Variants in PDS5B observed in about 807,000 individuals in gnomAD.
PDS5B encodes the protein PDS5 cohesin associated factor B, also known as sister chromatid cohesion protein PDS5 homolog B.
Under a neutral mutation model 184.1 loss-of-function variants are expected in PDS5B, and 51 were observed. The ratio of observed to expected loss-of-function variants is 0.28; its 90% CI spans 0.22 to 0.35. PDS5B has a LOEUF of 0.35. Among genes scored for constraint, PDS5B ranks in the 10% least tolerant of loss-of-function variants. The probability of loss-of-function intolerance (pLI) is 1.00; values close to 1 mark genes in which losing one functional copy is unlikely to be tolerated. For synonymous variants in PDS5B, 566 were observed against 569.2 expected (o/e 0.99, Z 0.08); for missense variants, 1,180 against 1,723.3 (o/e 0.68, Z 5.58).
At chr13:32,725,573 T>A (rs1468670244) in intron 19 of PDS5B, among the ~76,000 whole-genome samples, 1 of 152,234 alleles carries the variant, frequency 6.6e-6, no homozygotes, top group African/African-American at 2.4e-5. Flanking sequence ...TAATTGCTAA[T>A]GTATAAGTCA....
At chr13:32,653,884 C>T (rs974884259) in intron 3 of PDS5B, among the ~76,000 whole-genome samples, 5 of 152,138 alleles carry the variant, frequency 3.3e-5, no homozygotes, top group African/African-American at 1.2e-4. Context: ...TGCTACTGTA[C>T]AATTTATTTA....
At chr13:32,740,618 C>A (rs1261877357) in intron 21 of PDS5B, among the ~76,000 whole-genome samples, 1 of 152,092 alleles carries the variant, frequency 6.6e-6, no homozygotes, top group Admixed American at 6.5e-5. Context: ...CTAGTACTTG[C>A]ACATGATCAC....
In PDS5B at chr13:32,775,173, C is replaced by A; in HGVS notation, c.*121C>A. On this transcript the variant is annotated 3_prime_UTR_variant, in exon 35 of 35. Coordinates refer to ENST00000315596, the MANE Select transcript of PDS5B (RefSeq NM_015032.4). ...CAAAATGGGACTGCTGAAGAGTGGA[C>A]AGTTGGACCTTACTTTGGTGACCCC... 1.3e-6 allele frequency: 1 copy of A among 792,860 alleles called. No individual in the cohort carries two copies. The highest frequency in any genetic ancestry group is 2.0e-6 in the Non-Finnish European group (1 of 497,726). The allele number at this position is 792,860 out of a possible 1,614,324, so 49.1% of individuals were successfully genotyped here.
At chr13:32,593,963 A>C (rs1455613135) in intron 1 of PDS5B, among the ~76,000 whole-genome samples, 1 of 152,220 alleles carries the variant, frequency 6.6e-6, no homozygotes, top group Non-Finnish European at 1.5e-5. Flanking sequence ...ACATATTTTC[A>C]ACTAGCTAGA....
intron 6 of PDS5B, among the ~76,000 whole-genome samples, chr13:32,664,698 T>C (rs1022407809): frequency 6.6e-6 from 1 of 152,004 alleles, no homozygotes; most frequent in Non-Finnish European, 1.5e-5. Context: ...ACCCTGTCTC[T>C]AGAAAAATTA....
chr13:32,750,401 C>G (rs1283736043), intron 24 of PDS5B, among the ~76,000 whole-genome samples: 1 of 152,132 alleles, frequency 6.6e-6, no homozygotes, highest in Non-Finnish European at 1.5e-5. Context: ...CATAGTAAAT[C>G]TATAACGGAG....
chr13:32,775,022 G>A lies in PDS5B; in HGVS notation c.4314G>A (p.Arg1438=), dbSNP rs369936443. The A allele has an allele frequency of 4.7e-4, 755 of 1,612,816 alleles. 1 individual carries two copies. The highest frequency in any genetic ancestry group is 8.2e-4 in the Middle Eastern group (5 of 6,078). The change falls in exon 35 of 35, where the codon CGG becomes CGA. Residue 1438 remains arginine, a synonymous_variant. Coordinates refer to ENST00000315596, the MANE Select transcript of PDS5B (RefSeq NM_015032.4). ...EEEEVSTVNV[R]RRSAKRERR ...CTGGTGACTTTCCTTTTAAGGTACGGCGGCGAAGTGCTAAAAGGGAACGGC... is the reference window on the plus strand; with the variant it reads ...CTGGTGACTTTCCTTTTAAGGTACGACGGCGAAGTGCTAAAAGGGAACGGC...
intron 5 of PDS5B, among the ~76,000 whole-genome samples, chr13:32,658,737 C>T (rs887177486): frequency 6.6e-6 from 1 of 152,044 alleles, no homozygotes; most frequent in Non-Finnish European, 1.5e-5. Flanking sequence ...TGGCATAAGG[C>T]CAGTGTAAAA....
chr13:32,588,137 C>T (rs1041358705), intron 1 of PDS5B, among the ~76,000 whole-genome samples: 1 of 152,150 alleles, frequency 6.6e-6, no homozygotes, highest in African/African-American at 2.4e-5. Flanking sequence ...GTACACATGT[C>T]TGAGATGTTC....
intron 3 of PDS5B, among the ~76,000 whole-genome samples, chr13:32,652,964 T>C (rs141428749): frequency 0.014 from 2,198 of 152,220 alleles, 59 homozygotes; most frequent in African/African-American, 0.05. Context: ...ACTGAATGTT[T>C]ATAAGGCAGA....
chr13:32,615,083 C>G (rs1038273226), intron 1 of PDS5B, among the ~76,000 whole-genome samples: 1 of 152,174 alleles, frequency 6.6e-6, no homozygotes, highest in East Asian at 1.9e-4. Context: ...GAACCACCTC[C>G]GTTGTGCCCC....
chr13:32,659,128 G>A, intron 5 of PDS5B, 26 bp from the exon 6 acceptor site: 1 of 1,501,016 alleles, frequency 6.7e-7, no homozygotes, highest in South Asian at 1.4e-5. Context: ...AGTTGTAATT[G>A]AAACAAAATC....
rs772663609 is a variant in PDS5B at position 32,776,336 on chromosome 13, T to C, written c.*1284T>C. 1 of 152,502 alleles carries C rather than the reference T, an allele frequency of 6.6e-6. No individual in the cohort carries two copies. The highest frequency in any genetic ancestry group is 1.5e-5 in the Non-Finnish European group (1 of 67,952). 9.4% of individuals were successfully genotyped at this position (152,502 alleles called of 1,614,324 possible). A position where few individuals can be genotyped will look rare whatever the true frequency, so the allele number is the denominator to read the frequency against. ...TATCCAAGTATATCAGCTACTGTAG[T>C]TGTCACAGTCTTGTGAACTTTGAAT... On this transcript the variant is annotated 3_prime_UTR_variant, in exon 35 of 35. Transcript: ENST00000315596.
At chr13:32,680,068 T>G (rs548499961) in intron 10 of PDS5B, among the ~76,000 whole-genome samples, 24 of 152,224 alleles carry the variant, frequency 1.6e-4, no homozygotes, top group Non-Finnish European at 2.9e-4. Context: ...TTCCAAAATG[T>G]CTGTATCTGC....
chr13:32,698,842 C>A (rs1331346517), intron 15 of PDS5B, among the ~76,000 whole-genome samples: 1 of 152,000 alleles, frequency 6.6e-6, no homozygotes, highest in Admixed American at 6.6e-5. Context: ...CAACCTCCGC[C>A]TCCCGGGTTC....
At chr13:32,597,604 G>T (rs111249175) in intron 1 of PDS5B, among the ~76,000 whole-genome samples, 1 of 151,786 alleles carries the variant, frequency 6.6e-6, no homozygotes, top group African/African-American at 2.4e-5. Flanking sequence ...GGCCGAGGGG[G>T]GGGCGGCAGG....
chr13:32,752,780 T>G (rs1172320303), intron 24 of PDS5B, among the ~76,000 whole-genome samples: 1 of 151,974 alleles, frequency 6.6e-6, no homozygotes, highest in East Asian at 1.9e-4. Flanking sequence ...TCAAAATAAT[T>G]TGGTGTTTCT....
At chr13:32,648,700 T>G in intron 1 of PDS5B, 54 bp from the exon 2 acceptor site, 1 of 741,704 alleles carries the variant, frequency 1.3e-6, no homozygotes, top group Non-Finnish European at 2.4e-6. Flanking sequence ...TTATGTTTGT[T>G]AAGAATGTTT....
intron 1 of PDS5B, among the ~76,000 whole-genome samples, chr13:32,601,962 A>G (rs925910663): frequency 2.0e-5 from 3 of 152,182 alleles, no homozygotes; most frequent in Non-Finnish European, 4.4e-5. Context: ...GAATTTGAAC[A>G]TTGTCCGTTT....
Sources: allele counts gnomAD v4.1 joint callset (sites outside exome capture counted in the v4.1 genomes callset), GRCh38; gene constraint gnomAD v4.1.1; transcripts MANE v1.5; gene names NCBI Gene and HGNC (gene_info 2026-07-23, HGNC 2026-07-21).